SCAP: variants seen among roughly 807,000 people sequenced by gnomAD.
SCAP encodes sterol regulatory element-binding protein cleavage-activating protein.
Under a neutral mutation model 123.6 loss-of-function variants are expected in SCAP, and 65 were observed. The observed-to-expected ratio is 0.53, with a 90% CI of 0.43 to 0.65. The LOEUF is 0.65. SCAP is among the 30% of genes least tolerant of loss of function. The pLI, the probability that SCAP is intolerant of heterozygous loss-of-function variation, is 0.00. For synonymous variants in SCAP, 740 were observed against 726.3 expected (o/e 1.02, Z -0.30); for missense variants, 1,398 against 1,712.5 (o/e 0.82, Z 3.24).
chr3:47,440,245 C>A (rs1166084450), intron 2 of SCAP, among the ~76,000 whole-genome samples: 1 of 152,144 alleles, frequency 6.6e-6, no homozygotes, highest in East Asian at 1.9e-4. Flanking sequence ...CAGTCTATAT[C>A]CATACTTTAT....
chr3:47,414,266 T>G lies in SCAP; in HGVS notation c.3508A>C (p.Thr1170Pro). ...RGDVTSLTCT[T>P]SCVISSGLDD... ...AGGCCACTGCTGATGACACAGGAGGTGGTACAGGTAAGGGAGGTGACATCC... is the reference window on the plus strand; with the variant it reads ...AGGCCACTGCTGATGACACAGGAGGGGGTACAGGTAAGGGAGGTGACATCC... The change falls in exon 22 of 23, where the codon ACC becomes CCC. Residue 1170 changes from threonine (T) to proline (P), a missense_variant. Physicochemically the swap from Thr to Pro is conservative, Grantham distance 38. Around this residue, in one of 7 missense-constraint regions of SCAP, gnomAD observed 130 missense variants for 166.7 expected, o/e 0.78. Transcript: ENST00000265565. The G allele has an allele frequency of 6.2e-7, 1 of 1,613,256 alleles. No individual in the cohort carries two copies. Among genetic ancestry groups the G allele is most frequent in the Non-Finnish European group, 8.5e-7 (1 of 1,179,962 alleles).
chr3:47,440,905 CCT>C (rs968139433), intron 2 of SCAP, among the ~76,000 whole-genome samples: 1 of 151,824 alleles, frequency 6.6e-6, no homozygotes, highest in Non-Finnish European at 1.5e-5. Flanking sequence ...GGTCTTTCCT[CCT>C]CTTTTTTTTT....
chr3:47,421,037 C>G lies in SCAP; in HGVS notation c.1246-8G>C. On this transcript the variant is annotated splice_region_variant and splice_polypyrimidine_tract_variant and intron_variant, in intron 10 of 22. Transcript: ENST00000265565. ...AGCAAAGAGACAGAACTCCTGGAATCAGAGCACATGGGGATGGGGGGGTGC... is the reference window on the plus strand; with the variant it reads ...AGCAAAGAGACAGAACTCCTGGAATGAGAGCACATGGGGATGGGGGGGTGC... 1.2e-6 allele frequency: 2 copies of G among 1,610,788 alleles called. No individual in the cohort carries two copies.
chr3:47,451,371 A>C (rs1221490884), intron 1 of SCAP, among the ~76,000 whole-genome samples: 2 of 112,232 alleles, frequency 1.8e-5, no homozygotes, highest in Non-Finnish European at 3.8e-5. Flanking sequence ...TTATATTCAA[A>C]TATTCAAACA....
intron 2 of SCAP, among the ~76,000 whole-genome samples, chr3:47,442,353 T>C (rs1326561363): frequency 3.3e-5 from 5 of 152,182 alleles, no homozygotes; most frequent in African/African-American, 2.4e-5. Flanking sequence ...CAACTGTCCT[T>C]GGCAAGTGCA....
intron 1 of SCAP, among the ~76,000 whole-genome samples, chr3:47,447,288 C>T (rs1707079995): frequency 6.6e-6 from 1 of 152,124 alleles, no homozygotes; most frequent in East Asian, 1.9e-4. Flanking sequence ...GTAATCCCAG[C>T]TACTTGGTAC....
chr3:47,418,150 G>T lies in SCAP; in HGVS notation c.2431C>A (p.Arg811Ser). ...CGCACCTACCCTGGGCGCGGAATGC[G>T]CGTTAGGCAATCCCCGGTCTGCGCG... The part of the protein sequence containing the change: ...WDAQTGDCLT[R>S]IPRPGRQRRD... Residue 811 changes from arginine to serine, a missense_variant, in exon 16 of 23, where the codon CGC becomes AGC. Physicochemically the swap from Arg to Ser is moderately radical, Grantham distance 110. Around this residue, in one of 7 missense-constraint regions of SCAP, gnomAD observed 828 missense variants for 882.5 expected, o/e 0.94. Transcript: ENST00000265565. 1 of 1,566,082 alleles carries T rather than the reference G, an allele frequency of 6.4e-7. No homozygotes were observed. The highest frequency in any genetic ancestry group is 1.2e-5 in the South Asian group (1 of 85,364).
At chr3:47,426,731 C>T (rs534976458) in intron 6 of SCAP, among the ~76,000 whole-genome samples, 31 of 152,348 alleles carry the variant, frequency 2.0e-4, no homozygotes, top group African/African-American at 4.6e-4. Flanking sequence ...CCACCGCGCC[C>T]GGCCTCCAAC....
intron 1 of SCAP, among the ~76,000 whole-genome samples, chr3:47,456,701 G>A (rs1250806625): frequency 6.6e-6 from 1 of 151,832 alleles, no homozygotes; most frequent in Non-Finnish European, 1.5e-5. Flanking sequence ...GGAGGCGGAG[G>A]TTGCAGTGAG....
intron 10 of SCAP, among the ~76,000 whole-genome samples, chr3:47,422,037 G>A (rs1447363771): frequency 6.6e-6 from 1 of 152,286 alleles, no homozygotes; most frequent in African/African-American, 2.4e-5. Context: ...GGAGACCGGA[G>A]GAAGGGTCTA....
chr3:47,422,179 G>A (rs1705932051), intron 10 of SCAP, among the ~76,000 whole-genome samples: 1 of 152,280 alleles, frequency 6.6e-6, no homozygotes, highest in African/African-American at 2.4e-5. Flanking sequence ...GCAGGGAGGG[G>A]TAGGAAGACA....
At chr3:47,415,277 G>A in intron 18 of SCAP, 97 bp from the exon 19 acceptor site, 1 of 1,117,634 alleles carries the variant, frequency 8.9e-7, no homozygotes, top group Non-Finnish European at 1.3e-6. Context: ...GTTCAAGAAG[G>A]CACAGGAGGG....
At position 47,470,111 on chromosome 3, in the gene SCAP, T is replaced by C. The variant is rs139054902; in HGVS notation, c.-99+5688A>G. The C allele has an allele frequency of 3.8e-3, 638 of 169,296 alleles. 2 individuals carry two copies. The highest frequency in any genetic ancestry group is 4.8e-3 in the Non-Finnish European group (379 of 78,216). The allele number at this position is 169,296 out of a possible 1,614,324, so 10.5% of individuals were successfully genotyped here. A position where few individuals can be genotyped will look rare whatever the true frequency, so the allele number is the denominator to read the frequency against. On this transcript the variant is annotated intron_variant, in intron 1 of 22. Coordinates refer to ENST00000265565, the MANE Select transcript of SCAP (RefSeq NM_012235.4). ...TGGCTCTAATCCTAAAATATTTACA[T>C]GCTGCAAATTATTTTCAGATTAAGT...
chr3:47,463,232 C>T (rs1039774360), intron 1 of SCAP, among the ~76,000 whole-genome samples: 3 of 152,162 alleles, frequency 2.0e-5, no homozygotes, highest in African/African-American at 7.2e-5. Context: ...CAGCTGGTTA[C>T]AACAGTTTTA....
Position 47,417,698 on chromosome 3 carries a change from C to T in SCAP, c.2576G>A (p.Arg859Gln), listed in dbSNP as rs142311061. Reference protein sequence around the residue: ...GDSPPLRHRPRGPPPPSLFGD... With the variant: ...GDSPPLRHRPQGPPPPSLFGD... ...GAAGAGGGAAGGCGGCGGAGGGCCC[C>T]GGGGGCGGTGTCTCAGGGGAGGGCT... The change falls in exon 17 of 23, where the codon CGG becomes CAG. Residue 859 changes from arginine to glutamine, a missense_variant. Coordinates refer to ENST00000265565, the MANE Select transcript of SCAP (RefSeq NM_012235.4). 55 of 1,607,722 alleles carry T rather than the reference C, an allele frequency of 3.4e-5. No individual in the cohort carries two copies. The highest frequency in any genetic ancestry group is 9.5e-5 in the African/African-American group (7 of 73,638).
At chr3:47,425,310 GT>G in intron 8 of SCAP, 174 bp downstream of exon 8, 1 of 697,944 alleles carries the variant, frequency 1.4e-6, no homozygotes, top group Admixed American at 3.2e-5. Context: ...ACAAACACAA[GT>G]ATGAATACAA....
intron 1 of SCAP, among the ~76,000 whole-genome samples, chr3:47,454,379 A>C (rs1244762419): frequency 6.6e-6 from 1 of 151,972 alleles, no homozygotes; most frequent in Non-Finnish European, 1.5e-5. Flanking sequence ...AAAAAAAAAG[A>C]ATAGACAGAT....
intron 3 of SCAP, among the ~76,000 whole-genome samples, chr3:47,434,283 A>G (rs1419245427): frequency 6.6e-6 from 1 of 152,198 alleles, no homozygotes; most frequent in Non-Finnish European, 1.5e-5. Context: ...TCCAGCACGA[A>G]TCCAGGGACC....
intron 10 of SCAP, among the ~76,000 whole-genome samples, chr3:47,421,632 G>A (rs1294003327): frequency 4.6e-5 from 7 of 152,252 alleles, no homozygotes; most frequent in Non-Finnish European, 7.3e-5. Context: ...TAAGACCATG[G>A]AGTGCAGATA....
Sources: gnomAD v4.1 joint callset for allele counts (sites outside exome capture counted in the v4.1 genomes callset) on GRCh38, gnomAD v4.1.1 for gene constraint, gnomAD v4.1.1 regional missense constraint, MANE v1.5 for transcripts, NCBI Gene and HGNC (gene_info 2026-07-23, HGNC 2026-07-21) for gene names.